The following FAM219A variants were observed in gnomAD, a reference collection of about 807,000 sequenced individuals.
FAM219A encodes the protein family with sequence similarity 219 member A.
In FAM219A, 7 loss-of-function variants were observed where a neutral mutation model predicts 23.4. The observed-to-expected ratio is 0.30, with a 90% confidence interval of 0.17 to 0.56. The LOEUF (loss-of-function observed/expected upper bound fraction) is 0.56. FAM219A is among the 20% of genes least tolerant of loss of function. FAM219A has a pLI of 0.92. For missense variants in FAM219A, 166 were observed against 246.9 expected (o/e 0.67, Z 2.20); for synonymous variants, 93 against 99.0 (o/e 0.94, Z 0.36).
At chr9:34,454,137 C>CT (rs1823652694) in intron 1 of FAM219A, among the ~76,000 whole-genome samples, 1 of 152,224 alleles carries the variant, frequency 6.6e-6, no homozygotes, top group African/African-American at 2.4e-5. Flanking sequence ...GCTCTCACTC[C>CT]TTTCATAAGA....
intron 1 of FAM219A, among the ~76,000 whole-genome samples, chr9:34,443,517 C>T (rs1419994113): frequency 6.6e-6 from 1 of 152,206 alleles, no homozygotes; most frequent in Non-Finnish European, 1.5e-5. Flanking sequence ...TTGGGAATTA[C>T]AGACAGAAAA....
In FAM219A at chr9:34,446,273, A is replaced by T. The variant is rs559731558; in HGVS notation, c.60+11931T>A. Among the ~76,000 whole-genome samples the T allele has an allele frequency of 6.6e-5, 10 of 152,284 alleles. No homozygotes were observed. In the East Asian group the frequency reaches 1.9e-3, roughly 29 times the overall value. On this transcript the variant is annotated intron_variant, in intron 1 of 5. Coordinates refer to ENST00000651358, the MANE Select transcript of FAM219A (RefSeq NM_001184940.2). Reference sequence around the variant, plus strand: ...TGACAAGGTATTAGGGCCACAGGACAGGTAAATGGAGAGCTCACATCTCAC... The same window carrying T: ...TGACAAGGTATTAGGGCCACAGGACTGGTAAATGGAGAGCTCACATCTCAC...
chr9:34,436,497 C>T (rs929898052), intron 1 of FAM219A, among the ~76,000 whole-genome samples: 2 of 152,012 alleles, frequency 1.3e-5, no homozygotes, highest in African/African-American at 4.8e-5. Context: ...CCTCCCACCT[C>T]GGCCTCCCAA....
At chr9:34,433,599 C>T (rs985775632) in intron 1 of FAM219A, among the ~76,000 whole-genome samples, 3 of 152,194 alleles carry the variant, frequency 2.0e-5, no homozygotes, top group Non-Finnish European at 4.4e-5. Context: ...ACTCCTCAAC[C>T]TGACATCCAA....
At chr9:34,401,270 G>T in intron 5 of FAM219A, 148 bp from the exon 6 acceptor site, 1 of 994,342 alleles carries the variant, frequency 1.0e-6, no homozygotes, top group Non-Finnish European at 1.5e-6. Flanking sequence ...GTACCCCCAG[G>T]CCCCGCTCCT....
chr9:34,449,850 A>G (rs919692328), intron 1 of FAM219A, among the ~76,000 whole-genome samples: 2 of 152,188 alleles, frequency 1.3e-5, no homozygotes, highest in Non-Finnish European at 2.9e-5. Flanking sequence ...GGGATAGAGC[A>G]TATAGTCTTT....
intron 1 of FAM219A, among the ~76,000 whole-genome samples, chr9:34,438,405 G>T (rs1049930001): frequency 1.3e-5 from 2 of 152,242 alleles, no homozygotes; most frequent in Non-Finnish European, 2.9e-5. Flanking sequence ...AGCCAGCTGG[G>T]TTCCTGAGTC....
At chr9:34,437,142 C>G (rs1374388166) in intron 1 of FAM219A, among the ~76,000 whole-genome samples, 1 of 152,178 alleles carries the variant, frequency 6.6e-6, no homozygotes. Context: ...TTCCGGGGCT[C>G]TATCTTTCAT....
intron 1 of FAM219A, among the ~76,000 whole-genome samples, chr9:34,439,062 A>C (rs1207660301): frequency 6.6e-6 from 1 of 151,728 alleles, no homozygotes; most frequent in Admixed American, 6.6e-5. Flanking sequence ...GAGCTGTAAC[A>C]CTCACCGCGA....
intron 1 of FAM219A, among the ~76,000 whole-genome samples, chr9:34,409,532 A>G (rs767597174): frequency 6.6e-6 from 1 of 152,228 alleles, no homozygotes; most frequent in Non-Finnish European, 1.5e-5. Flanking sequence ...ATTGAAATGC[A>G]TCTCTAACAG....
At chr9:34,404,473 C>T (rs746644696) in intron 2 of FAM219A, among the ~76,000 whole-genome samples, 6 of 152,098 alleles carry the variant, frequency 3.9e-5, no homozygotes, top group Admixed American at 1.3e-4. Flanking sequence ...TCTGGGAGGC[C>T]GAGGTGGGCG....
chr9:34,416,260 G>GAA (rs1588042518), intron 1 of FAM219A, among the ~76,000 whole-genome samples: 3 of 77,214 alleles, frequency 3.9e-5, no homozygotes, highest in South Asian at 5.2e-4. Context: ...AGAAAGAAAG[G>GAA]GGGAGGGAGG....
intron 1 of FAM219A, among the ~76,000 whole-genome samples, chr9:34,447,862 A>G (rs1406903154): frequency 2.6e-5 from 4 of 151,526 alleles, no homozygotes; most frequent in Non-Finnish European, 5.9e-5. Context: ...AAGTAGAAAA[A>G]AACAGTTTTC....
At chr9:34,453,597 G>C (rs1823634992) in intron 1 of FAM219A, among the ~76,000 whole-genome samples, 1 of 152,170 alleles carries the variant, frequency 6.6e-6, no homozygotes, top group Non-Finnish European at 1.5e-5. Flanking sequence ...GATCTGAGTA[G>C]ATGCTCGTGA....
chr9:34,435,025 T>C (rs1292988329), intron 1 of FAM219A, among the ~76,000 whole-genome samples: 1 of 152,108 alleles, frequency 6.6e-6, no homozygotes, highest in Non-Finnish European at 1.5e-5. Context: ...TTCACTATGT[T>C]GGCCAGGCTG....
chr9:34,443,254 A>G (rs1823249408), intron 1 of FAM219A, among the ~76,000 whole-genome samples: 2 of 152,314 alleles, frequency 1.3e-5, no homozygotes, highest in South Asian at 4.1e-4. Context: ...AAACAGCAGT[A>G]GGACACCCTC....
intron 1 of FAM219A, among the ~76,000 whole-genome samples, chr9:34,454,195 T>C (rs1168538374): frequency 6.6e-6 from 1 of 152,144 alleles, no homozygotes; most frequent in East Asian, 1.9e-4. Flanking sequence ...CCCAGCACTT[T>C]GGGAGGCCAA....
chr9:34,416,398 G>T (rs1822034007), intron 1 of FAM219A, among the ~76,000 whole-genome samples: 1 of 152,002 alleles, frequency 6.6e-6, no homozygotes, highest in Non-Finnish European at 1.5e-5. Flanking sequence ...CTTCAGTTGG[G>T]TTTTTTATTT....
intron 1 of FAM219A, among the ~76,000 whole-genome samples, chr9:34,454,512 T>G (rs1389177139): frequency 6.6e-6 from 1 of 152,156 alleles, no homozygotes; most frequent in Admixed American, 6.5e-5. Flanking sequence ...CTGGTTCAGC[T>G]GCTGAGTTGC....
Sources: gnomAD v4.1 joint callset for allele counts (sites outside exome capture counted in the v4.1 genomes callset) on GRCh38, gnomAD v4.1.1 for gene constraint, MANE v1.5 for transcripts, NCBI Gene and HGNC (gene_info 2026-07-23, HGNC 2026-07-21) for gene names.